Variants in BANK1 observed in about 807,000 individuals in gnomAD.
BANK1 encodes B-cell scaffold protein with ankyrin repeats.
Under a neutral mutation model 94.5 loss-of-function variants are expected in BANK1, and 95 were observed. The observed-to-expected ratio is 1.00, with a 90% CI of 0.85 to 1.19. The LOEUF (loss-of-function observed/expected upper bound fraction) is 1.19, where lower values mean the gene tolerates loss of function less well. Ranked by LOEUF, BANK1 falls within the 50% of genes most tolerant of loss-of-function variation. The probability of loss-of-function intolerance (pLI) is 0.00; values close to 1 mark genes in which losing one functional copy is unlikely to be tolerated. For synonymous variants in BANK1, 334 were observed against 308.4 expected, an observed-to-expected ratio of 1.08 and a Z score of -0.87; for missense variants, 987 against 932.2, an observed-to-expected ratio of 1.06 and a Z score of -0.77.
intron 11 of BANK1, among the ~76,000 whole-genome samples, chr4:102,057,578 G>C (rs1217568685): frequency 6.6e-6 from 1 of 152,024 alleles, no homozygotes; most frequent in Non-Finnish European, 1.5e-5. Flanking sequence ...CAATCCACCT[G>C]CATCGGCCTC....
Position 101,855,107 on chromosome 4 carries a change from G to T in BANK1, c.542G>T (p.Arg181Ile). The change falls in exon 3 of 17, where the codon AGA becomes ATA. Residue 181 changes from arginine (R) to isoleucine (I), a missense_variant. By Grantham distance (97) the Arg-to-Ile change is moderately conservative. Transcript: ENST00000322953. ...AAACATTCTGGGGAAATAAGTGAGA[G>T]AAAGGAAATTGAAGAACTATCAGAA... Reference protein sequence around the residue: ...RAKHSGEISERKEIEELSEAS... With the variant: ...RAKHSGEISEIKEIEELSEAS... The T allele has an allele frequency of 1.2e-6, 2 of 1,613,558 alleles. No homozygotes were observed. Among genetic ancestry groups the T allele is most frequent in the Non-Finnish European group, 1.7e-6 (2 of 1,179,564 alleles).
chr4:101,982,096 C>T lies in BANK1; in HGVS notation c.1207-39418C>T, dbSNP rs575408449. Among the ~76,000 whole-genome samples the T allele has an allele frequency of 9.5e-4, 144 of 152,242 alleles. 1 individual carries two copies. The highest frequency in any genetic ancestry group is 3.5e-3 in the African/African-American group (144 of 41,560). On this transcript the variant is annotated intron_variant, in intron 7 of 16. Transcript: ENST00000322953. ...GTGCTCTTCCTCCCTGGGTCTGCTG[C>T]AGCTGCACTCTCTTTGCAGGGATCT... is the stretch of plus-strand genomic sequence containing the variant.
chr4:101,793,067 A>G (rs1165334805), intron 1 of BANK1, among the ~76,000 whole-genome samples: 2 of 152,168 alleles, frequency 1.3e-5, no homozygotes, highest in African/African-American at 4.8e-5. Context: ...TCCACACCAT[A>G]GTTTTTTTTA....
rs1035665351 is a variant in BANK1, at chr4:101,895,553, G to A, written c.1009+143G>A. ...ACAACTCCTGACTCCTGGTGAAAGG[G>A]TACATTAGTACAAACTTCTGAATGT... On this transcript the variant is annotated intron_variant, in intron 6 of 16. Transcript: ENST00000322953. 1.2e-5 allele frequency: 6 copies of A among 512,170 alleles called. No homozygotes were observed. In the East Asian group the frequency reaches 1.8e-4, roughly 15 times the overall value. 31.7% of individuals were successfully genotyped at this position (512,170 alleles called of 1,614,324 possible).
chr4:101,946,885 TAAACTCATTCTATATAAA>T (rs1723947748), intron 7 of BANK1, among the ~76,000 whole-genome samples: 1 of 152,010 alleles, frequency 6.6e-6, no homozygotes, highest in Non-Finnish European at 1.5e-5. Flanking sequence ...CATTTAACAA[TAAACTCATTCTATATAAA>T]ATTAGAAATG....
At chr4:101,947,436 A>C (rs1329247949) in intron 7 of BANK1, among the ~76,000 whole-genome samples, 2 of 151,028 alleles carry the variant, frequency 1.3e-5, no homozygotes, top group East Asian at 3.9e-4. Context: ...TCTCATGGGC[A>C]CCCAAGATAA....
intron 7 of BANK1, among the ~76,000 whole-genome samples, chr4:101,965,898 GC>G (rs1335645244): frequency 6.6e-6 from 1 of 152,032 alleles, no homozygotes; most frequent in African/African-American, 2.4e-5. Flanking sequence ...CTAATTCATA[GC>G]CTTATGATAT....
intron 6 of BANK1, among the ~76,000 whole-genome samples, chr4:101,912,399 C>G (rs942862325): frequency 6.6e-6 from 1 of 151,878 alleles, no homozygotes; most frequent in Non-Finnish European, 1.5e-5. Flanking sequence ...GTTTTTATGC[C>G]TTCTTTCTGT....
chr4:101,879,554 C>A (rs760757026), intron 5 of BANK1, among the ~76,000 whole-genome samples: 1 of 151,946 alleles, frequency 6.6e-6, no homozygotes, highest in Non-Finnish European at 1.5e-5. Flanking sequence ...TCAAACTATT[C>A]TGAAAAATAG....
In BANK1 at chr4:101,910,475, A is replaced by G. The variant is rs139997944; in HGVS notation, c.1010-7518A>G. ...GGCGGGCTGATCACCTGAGGTCGGG[A>G]GTTCGAGACCAGCCTGACCAACATG... On this transcript the variant is annotated intron_variant, in intron 6 of 16. Coordinates refer to ENST00000322953, the MANE Select transcript of BANK1 (RefSeq NM_017935.5). Among the ~76,000 whole-genome samples, 1,191 of 152,122 alleles carry G rather than the reference A, an allele frequency of 7.8e-3. 9 individuals carry two copies. Among genetic ancestry groups the G allele is most frequent in the Non-Finnish European group, 0.014 (932 of 67,994 alleles).
At chr4:101,843,682 C>T (rs912842489) in intron 2 of BANK1, among the ~76,000 whole-genome samples, 11 of 151,952 alleles carry the variant, frequency 7.2e-5, no homozygotes, top group Middle Eastern at 3.4e-3. Flanking sequence ...TTTGGGAGGC[C>T]GAGGTGGGTG....
At chr4:101,950,212 C>T (rs1429574409) in intron 7 of BANK1, among the ~76,000 whole-genome samples, 5 of 152,064 alleles carry the variant, frequency 3.3e-5, no homozygotes, top group African/African-American at 4.8e-5. Flanking sequence ...TAGAGGTTTT[C>T]TATTATTATT....
chr4:101,994,231 T>C (rs1445919694), intron 7 of BANK1, among the ~76,000 whole-genome samples: 2 of 152,332 alleles, frequency 1.3e-5, no homozygotes, highest in South Asian at 4.1e-4. Flanking sequence ...AAAGAATGAG[T>C]TATCTGATCC....
intron 7 of BANK1, among the ~76,000 whole-genome samples, chr4:101,967,531 G>A (rs1724806065): frequency 6.6e-6 from 1 of 151,924 alleles, no homozygotes; most frequent in African/African-American, 2.4e-5. Flanking sequence ...ATAAATATAT[G>A]GGAAGTTCAG....
chr4:101,936,226 C>T (rs1165062678), intron 7 of BANK1, among the ~76,000 whole-genome samples: 4 of 149,148 alleles, frequency 2.7e-5, no homozygotes, highest in African/African-American at 9.8e-5. Context: ...TACATGTACA[C>T]ATATATGATA....
At chr4:102,069,712 T>C (rs1449088150) in intron 13 of BANK1, among the ~76,000 whole-genome samples, 1 of 152,160 alleles carries the variant, frequency 6.6e-6, no homozygotes, top group Non-Finnish European at 1.5e-5. Context: ...TTACAACAAA[T>C]GCAAATGTCC....
chr4:102,022,859 A>G (rs1726961190), intron 8 of BANK1, among the ~76,000 whole-genome samples: 1 of 152,146 alleles, frequency 6.6e-6, no homozygotes, highest in Non-Finnish European at 1.5e-5. Context: ...TTCACAAACC[A>G]ATAATGTGCC....
chr4:101,930,375 C>T (rs116549882), intron 7 of BANK1, among the ~76,000 whole-genome samples: 3,926 of 151,264 alleles, frequency 0.026, 184 homozygotes, highest in African/African-American at 0.091. Context: ...ATGTACTATT[C>T]GTTGAGTATT....
intron 7 of BANK1, among the ~76,000 whole-genome samples, chr4:102,004,909 T>C (rs147855824): frequency 9.2e-5 from 14 of 152,272 alleles, no homozygotes; most frequent in Admixed American, 7.2e-4. Flanking sequence ...AAATACCTTA[T>C]ATTGAATGCT....
Sources: allele counts gnomAD v4.1 joint callset (sites outside exome capture counted in the v4.1 genomes callset), GRCh38; gene constraint gnomAD v4.1.1; transcripts MANE v1.5; gene names NCBI Gene and HGNC (gene_info 2026-07-23, HGNC 2026-07-21).